Variants in RXYLT1 observed in about 807,000 individuals in gnomAD.
RXYLT1 encodes ribitol xylosyltransferase 1.
Under a neutral mutation model 43.5 loss-of-function variants are expected in RXYLT1, and 41 were observed. The observed-to-expected ratio is 0.94, with a 90% CI of 0.73 to 1.22. The LOEUF is 1.22. RXYLT1 is among the 50% of genes most tolerant of loss of function. The pLI is 0.00. For synonymous variants in RXYLT1, 166 were observed against 194.4 expected (o/e 0.85, Z 1.21); for missense variants, 514 against 532.0 (o/e 0.97, Z 0.33).
At chr12:63,795,447 T>A (rs78516153) in intron 3 of RXYLT1, 4,952 of 150,960 alleles carry the variant, frequency 0.033, 170 homozygotes, top group African/African-American at 0.08. Context: ...ACAGAAAAAC[T>A]TTGTGCGTGG....
At chr12:63,804,807 A>G (rs1898248980) in intron 4 of RXYLT1, 1 of 154,478 alleles carries the variant, frequency 6.5e-6, no homozygotes, top group South Asian at 2.0e-4. Flanking sequence ...TTCGATCAAC[A>G]TCTTCCTTTT....
rs776895611 is a variant in RXYLT1, at chr12:63,796,963, C to CT, written c.429-5110dup. 8.6e-3 allele frequency among the ~76,000 whole-genome samples: 1,134 copies of CT among 132,306 alleles called. 8 individuals carry two copies. Among genetic ancestry groups the CT allele is most frequent in the East Asian group, 0.023 (106 of 4,594 alleles). 86.8% of individuals were successfully genotyped at this position (132,306 alleles called of 152,430 possible). A position where few individuals can be genotyped will look rare whatever the true frequency, so the allele number is the denominator to read the frequency against. ...GAAAATTATATTTCTTTTTCTTTTT[C>CT]TTTTTTTTTTTTTTTTTTGTGACAG... On this transcript the variant is annotated intron_variant, in intron 3 of 5. Transcript: ENST00000261234.
intron 2 of RXYLT1, chr12:63,782,446 TGC>T (rs1897706820): frequency 2.2e-6 from 1 of 452,700 alleles, no homozygotes; most frequent in Non-Finnish European, 4.4e-6. Flanking sequence ...AGCACAAGTT[TGC>T]AGCTTCGTAA....
chr12:63,799,308 T>C (rs1460304620), intron 3 of RXYLT1, among the ~76,000 whole-genome samples: 65 of 144,978 alleles, frequency 4.5e-4, no homozygotes, highest in South Asian at 2.3e-3. Context: ...TTTTCTTTTT[T>C]TTTTTTTTTT....
intron 1 of RXYLT1, 40 bp from the exon 2 acceptor site, chr12:63,780,979 A>G (rs981304216): frequency 2.1e-5 from 31 of 1,463,442 alleles, no homozygotes; most frequent in Non-Finnish European, 2.5e-5. Context: ...TACAACTGCA[A>G]TAATACCTTA....
chr12:63,794,432 T>A (rs1358818710), intron 3 of RXYLT1, among the ~76,000 whole-genome samples: 5 of 152,214 alleles, frequency 3.3e-5, no homozygotes, highest in African/African-American at 1.2e-4. Flanking sequence ...CTTCAAAAAT[T>A]AAAATATTAA....
chr12:63,797,905 G>C (rs944576394), intron 3 of RXYLT1, among the ~76,000 whole-genome samples: 3 of 152,134 alleles, frequency 2.0e-5, no homozygotes, highest in Non-Finnish European at 4.4e-5. Context: ...AAAATGGTCG[G>C]AATTTAGGGA....
At chr12:63,800,070 T>C (rs184643309) in intron 3 of RXYLT1, among the ~76,000 whole-genome samples, 1 of 152,330 alleles carries the variant, frequency 6.6e-6, no homozygotes, top group African/African-American at 2.4e-5. Context: ...AATCATATGG[T>C]ACATGCACAC....
At chr12:63,781,269 T>C in intron 2 of RXYLT1, 95 bp downstream of exon 2, 1 of 1,239,602 alleles carries the variant, frequency 8.1e-7, no homozygotes, top group Non-Finnish European at 1.1e-6. Flanking sequence ...TTTCATAATT[T>C]GTTAATTAAG....
At chr12:63,806,143 C>T (rs183267629) in intron 5 of RXYLT1, 1 of 152,292 alleles carries the variant, frequency 6.6e-6, no homozygotes, top group Admixed American at 6.5e-5. Flanking sequence ...CTCTTTATTG[C>T]TAATGTAACC....
chr12:63,799,375 G>A (rs539908927), intron 3 of RXYLT1, among the ~76,000 whole-genome samples: 2 of 138,264 alleles, frequency 1.4e-5, no homozygotes, highest in African/African-American at 2.7e-5. Flanking sequence ...CGTGATCTCA[G>A]CTCACTGCAG....
intron 5 of RXYLT1, 116 bp downstream of exon 5, chr12:63,805,520 C>A: frequency 1.0e-6 from 1 of 983,278 alleles, no homozygotes; most frequent in Non-Finnish European, 1.4e-6. Context: ...CAATCTTTCC[C>A]CAGAAGATAC....
intron 1 of RXYLT1, 71 bp downstream of exon 1, chr12:63,780,200 G>GTCCCCGCACCCGGC (rs1369830391): frequency 4.3e-6 from 6 of 1,394,418 alleles, no homozygotes; most frequent in Non-Finnish European, 5.5e-6. Context: ...CTGGGGCCGG[G>GTCCCCGCACCCGGC]TCCCCGCACC....
chr12:63,785,341 A>C (rs1055183954), intron 3 of RXYLT1: 10 of 179,136 alleles, frequency 5.6e-5, no homozygotes, highest in African/African-American at 2.4e-4. Context: ...TTCATACTCC[A>C]CATCTTACAG....
At chr12:63,797,779 G>A (rs796262947) in intron 3 of RXYLT1, among the ~76,000 whole-genome samples, 3 of 152,256 alleles carry the variant, frequency 2.0e-5, no homozygotes, top group Non-Finnish European at 4.4e-5. Context: ...AGACAGCTGG[G>A]TGCAGGCAGA....
Position 63,799,814 on chromosome 12 carries a change from A to G in RXYLT1, c.429-2277A>G, listed in dbSNP as rs184450265. ...ATGCTCTTAAGAATTATACCTGCTTATATTTCTAAAAGAGAAATACAAAGT... is the reference window on the plus strand; with the variant it reads ...ATGCTCTTAAGAATTATACCTGCTTGTATTTCTAAAAGAGAAATACAAAGT... On this transcript the variant is annotated intron_variant, in intron 3 of 5. Coordinates refer to ENST00000261234, the MANE Select transcript of RXYLT1 (RefSeq NM_014254.3). Among the ~76,000 whole-genome samples, 761 of 152,276 alleles carry G rather than the reference A, an allele frequency of 5.0e-3. 10 individuals carry two copies. The highest frequency in any genetic ancestry group is 0.017 in the African/African-American group (724 of 41,542).
chr12:63,780,972 A>T, intron 1 of RXYLT1, 47 bp from the exon 2 acceptor site: 2 of 1,407,584 alleles, frequency 1.4e-6, no homozygotes, highest in Non-Finnish European at 1.9e-6. Context: ...ATTTACCTAC[A>T]ACTGCAATAA....
At chr12:63,783,192 G>A (rs747754108) in intron 2 of RXYLT1, among the ~76,000 whole-genome samples, 14 of 152,278 alleles carry the variant, frequency 9.2e-5, no homozygotes, top group Middle Eastern at 3.4e-3. Context: ...TAGGCATGGC[G>A]TCTCACGCCC....
At chr12:63,799,371 C>T (rs1432538626) in intron 3 of RXYLT1, among the ~76,000 whole-genome samples, 1 of 127,996 alleles carries the variant, frequency 7.8e-6, no homozygotes, top group Non-Finnish European at 1.6e-5. Flanking sequence ...GTGGCGTGAT[C>T]TCAGCTCACT....
Sources: allele counts gnomAD v4.1 joint callset (sites outside exome capture counted in the v4.1 genomes callset), GRCh38; gene constraint gnomAD v4.1.1; transcripts MANE v1.5; gene names NCBI Gene and HGNC (gene_info 2026-07-23, HGNC 2026-07-21).